MEP1B: variants seen among roughly 807,000 people sequenced by gnomAD.
MEP1B encodes the protein N-benzoyl-L-tyrosyl-P-amino-benzoic acid hydrolase subunit beta.
MEP1B carries 80 observed loss-of-function variants against 84.6 expected under a neutral mutation model. The observed-to-expected ratio is 0.95, with a 90% CI of 0.79 to 1.14. The LOEUF (loss-of-function observed/expected upper bound fraction) is 1.14, where lower values mean the gene tolerates loss of function less well. Among genes scored for constraint, MEP1B ranks in the 50% most tolerant of loss-of-function variants. The probability of loss-of-function intolerance (pLI) is 0.00; values close to 1 mark genes in which losing one functional copy is unlikely to be tolerated. For synonymous variants in MEP1B, 273 were observed against 288.1 expected (o/e 0.95, Z 0.53); for missense variants, 766 against 855.1 (o/e 0.90, Z 1.30).
intron 12 of MEP1B, among the ~76,000 whole-genome samples, chr18:32,216,272 G>A (rs1160570139): frequency 2.6e-5 from 4 of 152,132 alleles, no homozygotes; most frequent in Non-Finnish European, 4.4e-5. Flanking sequence ...GATACCTCTT[G>A]GAGAGATTAT....
At chr18:32,203,076 C>A in intron 6 of MEP1B, 66 bp downstream of exon 6, 1 of 906,258 alleles carries the variant, frequency 1.1e-6, no homozygotes, top group Non-Finnish European at 1.7e-6. Flanking sequence ...CATTACATTG[C>A]AGCAATCATC....
Position 32,208,106 on chromosome 18 carries a change from T to C in MEP1B, c.767-13T>C, listed in dbSNP as rs373573919. 2.7e-5 allele frequency: 43 copies of C among 1,612,460 alleles called. No homozygotes were observed. The highest frequency in any genetic ancestry group is 3.3e-5 in the Non-Finnish European group (39 of 1,178,886). Reference sequence around the variant, plus strand: ...TTGTATGAGTGTCAATAATTGTTTTTTGCTTTTTGTAGCCTCTTCCTTGAG... The same window carrying C: ...TTGTATGAGTGTCAATAATTGTTTTCTGCTTTTTGTAGCCTCTTCCTTGAG... On this transcript the variant is annotated splice_polypyrimidine_tract_variant and intron_variant, in intron 8 of 14. Coordinates refer to ENST00000269202, the MANE Select transcript of MEP1B (RefSeq NM_005925.3).
Position 32,217,796 on chromosome 18 carries a change from AAAGGTGTG to A in MEP1B, c.1925_1932del (p.Arg642LysfsTer40). The A allele has an allele frequency of 6.2e-7, 1 of 1,613,582 alleles. No homozygotes were observed. Among genetic ancestry groups the A allele is most frequent in the Non-Finnish European group, 8.5e-7 (1 of 1,179,778 alleles). On this transcript the variant is annotated frameshift_variant, in exon 14 of 15. Coordinates refer to ENST00000269202, the MANE Select transcript of MEP1B (RefSeq NM_005925.3). LOFTEE classifies it high-confidence loss of function. ...GGGGAAGACTGGTGGTACATGGGAG[AAAGGTGTG>A]AAAAGAGAGGCTCCACCCGAGACAC...
chr18:32,205,250 A>G (rs1289809176), intron 7 of MEP1B, among the ~76,000 whole-genome samples: 2 of 152,210 alleles, frequency 1.3e-5, no homozygotes, highest in Non-Finnish European at 2.9e-5. Context: ...ATAGTTGAGT[A>G]GCATGAACTG....
intron 5 of MEP1B, among the ~76,000 whole-genome samples, chr18:32,197,837 C>A (rs2040871624): frequency 6.6e-6 from 1 of 152,204 alleles, no homozygotes; most frequent in Admixed American, 6.5e-5. Context: ...ACCCATCACC[C>A]AGGAGTTGAG....
In MEP1B at chr18:32,215,304, G is replaced by T. The variant is rs536127885; in HGVS notation, c.1759+43G>T. On this transcript the variant is annotated intron_variant, in intron 12 of 14. Transcript: ENST00000269202. ...GTTTTATATAAACTAGTTTTTTTTTGTTGTGGCCACTGATTATTTTCTGTT... is the reference window on the plus strand; with the variant it reads ...GTTTTATATAAACTAGTTTTTTTTTTTTGTGGCCACTGATTATTTTCTGTT... 512 of 1,256,648 alleles carry T rather than the reference G, an allele frequency of 4.1e-4. 1 individual carries two copies. The African/African-American group carries it at 4.8e-3, about 12-fold the overall frequency. 77.8% of individuals were successfully genotyped at this position (1,256,648 alleles called of 1,614,324 possible). A position where few individuals can be genotyped will look rare whatever the true frequency, so the allele number is the denominator to read the frequency against.
intron 5 of MEP1B, among the ~76,000 whole-genome samples, chr18:32,198,517 G>A (rs1045408067): frequency 2.6e-5 from 4 of 152,180 alleles, no homozygotes; most frequent in Non-Finnish European, 4.4e-5. Flanking sequence ...TGGCACACAG[G>A]CACCATGTGG....
At chr18:32,199,663 CGTTCG>C (rs1331319224) in intron 5 of MEP1B, among the ~76,000 whole-genome samples, 11,798 of 129,270 alleles carry the variant, frequency 0.091, 721 homozygotes, top group African/African-American at 0.16. Context: ...TTTTTCCTTT[CGTTCG>C]TTCCTTCCTT....
intron 9 of MEP1B, 67 bp from the exon 10 acceptor site, chr18:32,210,434 C>T (rs1419699631): frequency 4.5e-6 from 6 of 1,335,006 alleles, no homozygotes; most frequent in Non-Finnish European, 6.3e-6. Flanking sequence ...TCTAGCACCA[C>T]CATTAACAAA....
chr18:32,216,950 CA>C, intron 12 of MEP1B, 40 bp from the exon 13 acceptor site: 1 of 1,589,844 alleles, frequency 6.3e-7, no homozygotes. Flanking sequence ...GATTGTTAAA[CA>C]AAAGCTGATT....
chr18:32,205,760 T>C (rs1053092116), intron 7 of MEP1B, among the ~76,000 whole-genome samples: 1 of 152,162 alleles, frequency 6.6e-6, no homozygotes, highest in Admixed American at 6.5e-5. Context: ...TCTAAATATA[T>C]TCATTTTTGT....
chr18:32,196,275 G>T lies in MEP1B; in HGVS notation c.250+790G>T, dbSNP rs2040853302. Reference sequence around the variant, plus strand: ...GCTCCAAGACGCTGGCCATGCTGGGGGCTGTGAAGTTGAGGGGCGGGATGT... The same window carrying T: ...GCTCCAAGACGCTGGCCATGCTGGGTGCTGTGAAGTTGAGGGGCGGGATGT... On this transcript the variant is annotated intron_variant, in intron 5 of 14. Transcript: ENST00000269202. This position sits in a 1 kb window ranked among gnomAD's most constrained non-coding sequence, Gnocchi z 4.4. 2 of 708,016 alleles carry T rather than the reference G, an allele frequency of 2.8e-6. No individual in the cohort carries two copies. Among genetic ancestry groups the T allele is most frequent in the Non-Finnish European group, 5.3e-6 (2 of 378,134 alleles). The allele number at this position is 708,016 out of a possible 1,614,324, so 43.9% of individuals were successfully genotyped here.
intron 5 of MEP1B, among the ~76,000 whole-genome samples, chr18:32,199,708 CTTCT>C (rs1391810820): frequency 1.7e-4 from 23 of 139,008 alleles, no homozygotes; most frequent in Admixed American, 4.4e-4. Flanking sequence ...TCCTTCCTTC[CTTCT>C]TTCTTTTTTG....
chr18:32,192,487 T>A (rs867400907), intron 2 of MEP1B, among the ~76,000 whole-genome samples, 159 bp from the exon 3 acceptor site: 2 of 152,026 alleles, frequency 1.3e-5, no homozygotes, highest in African/African-American at 4.8e-5. Flanking sequence ...TAGGAGATTC[T>A]TAATCAATCA....
chr18:32,206,676 A>G (rs761500255), intron 7 of MEP1B, among the ~76,000 whole-genome samples: 1 of 151,926 alleles, frequency 6.6e-6, no homozygotes, highest in Non-Finnish European at 1.5e-5. Flanking sequence ...CAGTAGTGCA[A>G]TCTTGGCTCA....
At chr18:32,192,289 G>A (rs1001792362) in intron 2 of MEP1B, among the ~76,000 whole-genome samples, 1 of 152,090 alleles carries the variant, frequency 6.6e-6, no homozygotes, top group Non-Finnish European at 1.5e-5. Context: ...ACATGTATGA[G>A]TAGATTGGGC....
intron 11 of MEP1B, among the ~76,000 whole-genome samples, chr18:32,214,449 A>G (rs1268251227): frequency 6.6e-6 from 1 of 152,220 alleles, no homozygotes; most frequent in Non-Finnish European, 1.5e-5. Flanking sequence ...TAGGAAAACA[A>G]TAATATTCAC....
At position 32,207,343 on chromosome 18, in the gene MEP1B, A is replaced by C; in HGVS notation, c.639A>C (p.Lys213Asn). The C allele has an allele frequency of 6.2e-7, 1 of 1,612,772 alleles. No individual in the cohort carries two copies. Among genetic ancestry groups the C allele is most frequent in the South Asian group, 1.1e-5 (1 of 90,886 alleles). ...ACACTTCAGTAATGCACTACAGTAA[A>C]ACTGCATTCCAAAATGGAACAGAGC... Reference protein sequence around the residue: ...YDYTSVMHYSKTAFQNGTEPT... With the variant: ...YDYTSVMHYSNTAFQNGTEPT... Residue 213 changes from lysine (K) to asparagine (N), a missense_variant, in exon 8 of 15, where the codon AAA (lysine) becomes AAC (asparagine). Coordinates refer to ENST00000269202, the MANE Select transcript of MEP1B (RefSeq NM_005925.3).
chr18:32,196,393 T>G lies in MEP1B; in HGVS notation c.250+908T>G. On this transcript the variant is annotated intron_variant, in intron 5 of 14. Transcript: ENST00000269202. This position sits in a 1 kb window ranked among gnomAD's most constrained non-coding sequence, Gnocchi z 4.4. Reference sequence around the variant, plus strand: ...GCACTTGAGGTACTCAGAGCTCTCCTTGGTCTTCTCCTGGTCCTCGCCCAG... The same window carrying G: ...GCACTTGAGGTACTCAGAGCTCTCCGTGGTCTTCTCCTGGTCCTCGCCCAG... 1 of 698,738 alleles carries G rather than the reference T, an allele frequency of 1.4e-6. No homozygotes were observed. Among genetic ancestry groups the G allele is most frequent in the Non-Finnish European group, 2.7e-6 (1 of 377,088 alleles). 43.3% of individuals were successfully genotyped at this position (698,738 alleles called of 1,614,324 possible).
Sources: allele counts gnomAD v4.1 joint callset (sites outside exome capture counted in the v4.1 genomes callset), GRCh38; gene constraint gnomAD v4.1.1; non-coding constraint Gnocchi (gnomAD v3.1); transcripts MANE v1.5; gene names NCBI Gene and HGNC (gene_info 2026-07-23, HGNC 2026-07-21).